The following FAM3C variants were observed in gnomAD, a reference collection of about 807,000 sequenced individuals.
The protein encoded by FAM3C is protein FAM3C.
Under a neutral mutation model 32.5 loss-of-function variants are expected in FAM3C, and 15 were observed. The observed-to-expected ratio is 0.46, with a 90% CI of 0.31 to 0.71. FAM3C has a LOEUF of 0.71. FAM3C is among the 30% of genes least tolerant of loss of function. FAM3C has a pLI of 0.05. For missense variants in FAM3C, 175 were observed against 274.4 expected, an observed-to-expected ratio of 0.64 and a Z score of 2.56; for synonymous variants, 75 against 86.1, an observed-to-expected ratio of 0.87 and a Z score of 0.72.
intron 1 of FAM3C, among the ~76,000 whole-genome samples, chr7:121,383,462 T>A (rs1330935460): frequency 6.6e-6 from 1 of 152,192 alleles, no homozygotes; most frequent in East Asian, 1.9e-4. Flanking sequence ...TGCCACTTCA[T>A]TTTTGATATG....
chr7:121,393,635 G>C (rs1413029985), intron 1 of FAM3C, among the ~76,000 whole-genome samples: 1 of 152,040 alleles, frequency 6.6e-6, no homozygotes, highest in Non-Finnish European at 1.5e-5. Flanking sequence ...AATATTAATG[G>C]GTACACTGGA....
Position 121,350,482 on chromosome 7 carries a change from G to A in FAM3C, c.663C>T (p.Cys221=). 6.2e-7 allele frequency: 1 copy of A among 1,611,814 alleles called. No homozygotes were observed. Among genetic ancestry groups the A allele is most frequent in the Non-Finnish European group, 8.5e-7 (1 of 1,179,184 alleles). ...TCCATTAGTCTTGCTTCTGGGGGATGCATCCTTCCATTTCTACAACTTCAG... is the reference window on the plus strand; with the variant it reads ...TCCATTAGTCTTGCTTCTGGGGGATACATCCTTCCATTTCTACAACTTCAG... ...GWPEVVEMEG[C]IPQKQD is the part of the protein sequence containing the mutation. Residue 221 remains cysteine (C), a synonymous_variant, in exon 10 of 10, where the codon TGC becomes TGT. Coordinates refer to ENST00000359943, the MANE Select transcript of FAM3C (RefSeq NM_014888.3).
intron 9 of FAM3C, 97 bp downstream of exon 9, chr7:121,351,046 C>A: frequency 1.9e-6 from 2 of 1,073,392 alleles, no homozygotes; most frequent in South Asian, 1.6e-5. Context: ...TATTTACTAT[C>A]CGCTTTATCT....
chr7:121,378,927 CT>C lies in FAM3C; in HGVS notation c.100del (p.Ser34ValfsTer2), dbSNP rs1293553809. The C allele has an allele frequency of 1.3e-6, 2 of 1,511,500 alleles. No homozygotes were observed. The highest frequency in any genetic ancestry group is 4.6e-5 in the East Asian group (2 of 43,192). The allele number at this position is 1,511,500 out of a possible 1,614,324, so 93.6% of individuals were successfully genotyped here. ...SQVFEIKMDA[S>X]LGNLFARSAL... ...AAACTTACCAAATAGATTTCCTAAA[CT>C]TGCATCCATTTTTATTTCAAATACT... On this transcript the variant is annotated frameshift_variant, in exon 3 of 10. Coordinates refer to ENST00000359943, the MANE Select transcript of FAM3C (RefSeq NM_014888.3). LOFTEE classifies it high-confidence loss of function.
chr7:121,386,060 T>G (rs1385008636), intron 1 of FAM3C, among the ~76,000 whole-genome samples: 1 of 152,170 alleles, frequency 6.6e-6, no homozygotes, highest in Non-Finnish European at 1.5e-5. Flanking sequence ...CAACTTGGCT[T>G]TTGCAAACTG....
intron 1 of FAM3C, among the ~76,000 whole-genome samples, chr7:121,394,629 G>A (rs10236043): frequency 0.034 from 5,228 of 152,250 alleles, 323 homozygotes; most frequent in African/African-American, 0.12. Context: ...ATGAAGAAAT[G>A]CTAGTCTTTA....
intron 1 of FAM3C, among the ~76,000 whole-genome samples, 172 bp downstream of exon 1, chr7:121,395,990 C>G (rs1794686962): frequency 6.6e-6 from 1 of 151,730 alleles, no homozygotes; most frequent in African/African-American, 2.4e-5. Flanking sequence ...CGCCTGCGCC[C>G]TCTCCAACGT....
intron 7 of FAM3C, among the ~76,000 whole-genome samples, chr7:121,361,281 TCA>T (rs1793914845): frequency 6.6e-6 from 1 of 152,232 alleles, no homozygotes; most frequent in African/African-American, 2.4e-5. Context: ...TCAAATGTAC[TCA>T]GTTTCTTTCC....
intron 3 of FAM3C, 91 bp from the exon 4 acceptor site, chr7:121,372,230 T>C (rs2116920045): frequency 6.2e-6 from 5 of 802,030 alleles, no homozygotes; most frequent in Non-Finnish European, 1.0e-5. Flanking sequence ...AAAATAAGTG[T>C]TCAAATAATG....
At chr7:121,358,684 T>C (rs936735323) in intron 8 of FAM3C, among the ~76,000 whole-genome samples, 1 of 151,910 alleles carries the variant, frequency 6.6e-6, no homozygotes, top group Non-Finnish European at 1.5e-5. Context: ...TAAAAATACA[T>C]GACAACAGTG....
rs543007440 is a variant in FAM3C, at chr7:121,357,528, T to C, written c.467+2515A>G. On this transcript the variant is annotated intron_variant, in intron 8 of 9. Transcript: ENST00000359943. ...GGGTTATATATATATTAGATGTAGA[T>C]TGCCTTTCTTAAGGATGTTGTCCAT... Among the ~76,000 whole-genome samples, 757 of 152,262 alleles carry C rather than the reference T, an allele frequency of 5.0e-3. 6 individuals are homozygous for C. Among genetic ancestry groups the C allele is most frequent in the Middle Eastern group, 0.024 (7 of 292 alleles).
intron 5 of FAM3C, among the ~76,000 whole-genome samples, chr7:121,367,060 G>A (rs1333372124): frequency 6.6e-6 from 1 of 152,048 alleles, no homozygotes; most frequent in Admixed American, 6.6e-5. Context: ...TTTAAAAACT[G>A]AAATTCAAAC....
chr7:121,370,782 C>A (rs1794130113), intron 5 of FAM3C, among the ~76,000 whole-genome samples: 1 of 152,132 alleles, frequency 6.6e-6, no homozygotes, highest in African/African-American at 2.4e-5. Flanking sequence ...CGTTGGATTT[C>A]ATTTAAAATA....
chr7:121,393,920 C>G (rs1010274515), intron 1 of FAM3C, among the ~76,000 whole-genome samples: 3 of 152,174 alleles, frequency 2.0e-5, no homozygotes, highest in African/African-American at 7.2e-5. Context: ...GGACTAAATT[C>G]AAGACAAACT....
rs1274186557 is a variant in FAM3C, at chr7:121,364,179, A to G, written c.282T>C (p.Ser94=). The G allele has an allele frequency of 6.3e-7, 1 of 1,581,568 alleles. No individual in the cohort carries two copies. Among genetic ancestry groups the G allele is most frequent in the Non-Finnish European group, 8.7e-7 (1 of 1,151,290 alleles). The change falls in exon 6 of 10, where the codon AGT becomes AGC. Residue 94 remains serine (S), a synonymous_variant. Transcript: ENST00000359943. ...CTCTTCCAACATTATTCTTAACACC[A>G]CTCATTAAACTGAAGGGGGAGAAAT... ...KICLEDNVLM[S]GVKNNVGRGI... is the part of the protein sequence containing the mutation.
intron 3 of FAM3C, among the ~76,000 whole-genome samples, chr7:121,378,189 TAA>T (rs1254883884): frequency 6.6e-6 from 1 of 152,130 alleles, no homozygotes; most frequent in African/African-American, 2.4e-5. Flanking sequence ...TTTATGAACG[TAA>T]GGATTCTGTT....
intron 8 of FAM3C, among the ~76,000 whole-genome samples, chr7:121,357,756 T>C (rs1424977538): frequency 6.6e-6 from 1 of 152,144 alleles, no homozygotes; most frequent in Non-Finnish European, 1.5e-5. Flanking sequence ...TGAACTCTCT[T>C]CCAAAGCTGC....
In FAM3C at chr7:121,349,798, C is replaced by T. The variant is rs2116856089; in HGVS notation, c.*663G>A. On this transcript the variant is annotated 3_prime_UTR_variant, in exon 10 of 10. Transcript: ENST00000359943. ...AAAATCAAGTTATTCCCATAGCTAA[C>T]ACAAATCCAGCAAGCTGTGGTCCTA... 1 of 150,170 alleles carries T rather than the reference C, an allele frequency of 6.7e-6. No individual in the cohort carries two copies. Among genetic ancestry groups the T allele is most frequent in the Middle Eastern group, 3.4e-3 (1 of 294 alleles). The allele number at this position is 150,170 out of a possible 1,614,324, so 9.3% of individuals were successfully genotyped here. A position where few individuals can be genotyped will look rare whatever the true frequency, so the allele number is the denominator to read the frequency against.
chr7:121,353,913 G>C (rs1280462744), intron 8 of FAM3C, among the ~76,000 whole-genome samples: 2 of 152,178 alleles, frequency 1.3e-5, no homozygotes, highest in Non-Finnish European at 2.9e-5. Flanking sequence ...ACCTACTGGA[G>C]AACTGTCAAA....
Sources: gnomAD v4.1 joint callset for allele counts (sites outside exome capture counted in the v4.1 genomes callset) on GRCh38, gnomAD v4.1.1 for gene constraint, MANE v1.5 for transcripts, NCBI Gene and HGNC (gene_info 2026-07-23, HGNC 2026-07-21) for gene names.